Variants in ARHGAP12 observed in about 807,000 individuals in gnomAD.
The protein encoded by ARHGAP12 is Rho GTPase activating protein 12, also known as rho GTPase-activating protein 12.
Under a neutral mutation model 108.6 loss-of-function variants are expected in ARHGAP12, and 64 were observed. That is an observed-to-expected ratio of 0.59 (90% confidence interval 0.48 to 0.73). The LOEUF (loss-of-function observed/expected upper bound fraction) is 0.73, where lower values mean the gene tolerates loss of function less well. Ranked by LOEUF, ARHGAP12 falls within the 30% of genes least tolerant of loss-of-function variation. The pLI is 0.00. For synonymous variants in ARHGAP12, 312 were observed against 337.2 expected (o/e 0.93, Z 0.82); for missense variants, 940 against 1,005.9 (o/e 0.93, Z 0.89).
chr10:31,810,811 A>G, intron 15 of ARHGAP12, 64 bp from the exon 16 acceptor site: 5 of 1,281,648 alleles, frequency 3.9e-6, no homozygotes, highest in Non-Finnish European at 5.6e-6. Flanking sequence ...GAAATGGCTA[A>G]CCATTCAGAG....
intron 6 of ARHGAP12, among the ~76,000 whole-genome samples, 159 bp from the exon 7 acceptor site, chr10:31,843,745 A>T (rs1202049395): frequency 6.6e-6 from 1 of 152,180 alleles, no homozygotes; most frequent in Non-Finnish European, 1.5e-5. Context: ...CTCATCTTTA[A>T]CCAGAACTGT....
At chr10:31,926,565 C>A (rs569506514) in intron 1 of ARHGAP12, among the ~76,000 whole-genome samples, 1 of 152,204 alleles carries the variant, frequency 6.6e-6, no homozygotes, top group South Asian at 2.1e-4. Flanking sequence ...ACTGTGATGC[C>A]CATTTTCTCA....
intron 10 of ARHGAP12, 44 bp downstream of exon 10, chr10:31,831,695 T>A (rs1835839996): frequency 7.5e-7 from 1 of 1,327,378 alleles, no homozygotes. Flanking sequence ...TTTTAATTTA[T>A]TTCAGATGAA....
intron 14 of ARHGAP12, among the ~76,000 whole-genome samples, chr10:31,813,834 T>C (rs1390395976): frequency 6.6e-6 from 1 of 152,174 alleles, no homozygotes; most frequent in Non-Finnish European, 1.5e-5. Context: ...CACAGACACA[T>C]CCTAGTCCAG....
At chr10:31,836,972 T>C (rs936502889) in intron 9 of ARHGAP12, among the ~76,000 whole-genome samples, 7 of 152,078 alleles carry the variant, frequency 4.6e-5, no homozygotes, top group African/African-American at 1.4e-4. Context: ...AGAAGAAACA[T>C]TGGCGAGGCA....
chr10:31,908,800 A>C lies in ARHGAP12; in HGVS notation c.56T>G (p.Val19Gly), dbSNP rs781087575. ...KIIPGQVYIEVEYDYEYEAKD... is the reference protein window; with the variant it reads ...KIIPGQVYIEGEYDYEYEAKD... ...TGCTTCATATTCATAATCATATTCCACCTCAATATACACTTGTCCTGGAAT... is the reference window on the plus strand; with the variant it reads ...TGCTTCATATTCATAATCATATTCCCCCTCAATATACACTTGTCCTGGAAT... Residue 19 changes from valine to glycine, a missense_variant, in exon 3 of 20, where the codon GTG becomes GGG. Transcript: ENST00000344936. 1.2e-6 allele frequency: 2 copies of C among 1,608,242 alleles called. No homozygotes were observed. The highest frequency in any genetic ancestry group is 4.5e-5 in the East Asian group (2 of 44,880).
rs1414815011 is a variant in ARHGAP12 at position 31,838,039 on chromosome 10, A to G, written c.1386+1266T>C. On this transcript the variant is annotated intron_variant, in intron 9 of 19. Transcript: ENST00000344936. Reference sequence around the variant, plus strand: ...ATGACAAGTTATTTTATGTAATCGAATAATATATAATCAAATACTATGAAG... The same window carrying G: ...ATGACAAGTTATTTTATGTAATCGAGTAATATATAATCAAATACTATGAAG... 2.0e-5 allele frequency among the ~76,000 whole-genome samples: 3 copies of G among 152,168 alleles called. No homozygotes were observed. The East Asian group carries it at 5.8e-4, about 29-fold the overall frequency.
At chr10:31,897,313 G>C (rs1838740507) in intron 3 of ARHGAP12, among the ~76,000 whole-genome samples, 1 of 152,128 alleles carries the variant, frequency 6.6e-6, no homozygotes, top group Admixed American at 6.6e-5. Flanking sequence ...TTGCCTAAGG[G>C]AAAGGGTAAA....
At chr10:31,901,349 T>C (rs1323592397) in intron 3 of ARHGAP12, among the ~76,000 whole-genome samples, 3 of 151,610 alleles carry the variant, frequency 2.0e-5, no homozygotes, top group Admixed American at 2.0e-4. Flanking sequence ...CTGGCCAACA[T>C]GGTGAAACCC....
At chr10:31,898,643 T>C (rs1028309530) in intron 3 of ARHGAP12, among the ~76,000 whole-genome samples, 1 of 152,240 alleles carries the variant, frequency 6.6e-6, no homozygotes, top group Non-Finnish European at 1.5e-5. Context: ...TATAATACTG[T>C]ATTTTTGCTG....
At chr10:31,848,270 C>T (rs2799022) in intron 6 of ARHGAP12, among the ~76,000 whole-genome samples, 70,077 of 152,026 alleles carry the variant, frequency 0.46, 16,438 homozygotes, top group Middle Eastern at 0.51. Context: ...CCATCTACTG[C>T]AGTAGGTGAT....
intron 6 of ARHGAP12, among the ~76,000 whole-genome samples, chr10:31,849,308 G>A (rs1022693286): frequency 6.6e-6 from 1 of 151,940 alleles, no homozygotes; most frequent in Non-Finnish European, 1.5e-5. Flanking sequence ...CAGAGTGTTT[G>A]TATTTATGTA....
chr10:31,849,190 G>A (rs1219947276), intron 6 of ARHGAP12, among the ~76,000 whole-genome samples: 1 of 152,072 alleles, frequency 6.6e-6, no homozygotes, highest in African/African-American at 2.4e-5. Context: ...TTCATTTTGA[G>A]TGGGGAATGT....
At chr10:31,814,744 A>G (rs551677506) in intron 13 of ARHGAP12, among the ~76,000 whole-genome samples, 1 of 152,300 alleles carries the variant, frequency 6.6e-6, no homozygotes, top group East Asian at 1.9e-4. Context: ...ACTTCTACAC[A>G]TGGACCTGAC....
At chr10:31,916,355 C>A (rs1053503516) in intron 1 of ARHGAP12, among the ~76,000 whole-genome samples, 1 of 152,170 alleles carries the variant, frequency 6.6e-6, no homozygotes, top group African/African-American at 2.4e-5. Flanking sequence ...CCGACACACA[C>A]GCCTGCTTAT....
chr10:31,831,633 TGAGA>T (rs896090798), intron 10 of ARHGAP12, 102 bp downstream of exon 10: 1 of 651,098 alleles, frequency 1.5e-6, no homozygotes, highest in East Asian at 3.3e-5. Flanking sequence ...AAACAAATGG[TGAGA>T]GATTCTTCAG....
At chr10:31,875,167 T>C (rs1481561599) in intron 3 of ARHGAP12, among the ~76,000 whole-genome samples, 1 of 151,798 alleles carries the variant, frequency 6.6e-6, no homozygotes, top group Non-Finnish European at 1.5e-5. Flanking sequence ...TGAAATGAGA[T>C]TAAAAAGAAA....
intron 7 of ARHGAP12, among the ~76,000 whole-genome samples, chr10:31,840,219 A>C (rs1213497637): frequency 6.6e-6 from 1 of 152,042 alleles, no homozygotes; most frequent in Admixed American, 6.5e-5. Context: ...AATTTATAGA[A>C]AACTTTCCAA....
chr10:31,814,407 A>T, intron 13 of ARHGAP12, 46 bp from the exon 14 acceptor site: 1 of 1,436,360 alleles, frequency 7.0e-7, no homozygotes, highest in Non-Finnish European at 9.8e-7. Context: ...TTCTAGTATT[A>T]CTATAGTTGG....
Sources: gnomAD v4.1 joint callset for allele counts (sites outside exome capture counted in the v4.1 genomes callset) on GRCh38, gnomAD v4.1.1 for gene constraint, MANE v1.5 for transcripts, NCBI Gene and HGNC (gene_info 2026-07-23, HGNC 2026-07-21) for gene names.